Variants in ADGRF3 observed in about 807,000 individuals in gnomAD.
The protein encoded by ADGRF3 is G protein-coupled receptor 113.
ADGRF3 carries 85 observed loss-of-function variants against 93.2 expected under a neutral mutation model. The ratio of observed to expected loss-of-function variants is 0.91; its 90% CI spans 0.77 to 1.09. The LOEUF (loss-of-function observed/expected upper bound fraction) is 1.09. Among genes scored for constraint, ADGRF3 ranks in the 50% least tolerant of loss-of-function variants. The pLI is 0.00. For synonymous variants in ADGRF3, 534 were observed against 532.5 expected (o/e 1.00, Z -0.04); for missense variants, 1,125 against 1,246.2 (o/e 0.90, Z 1.46).
chr2:26,326,962 G>T (rs1383218132), intron 1 of ADGRF3, among the ~76,000 whole-genome samples: 1 of 152,158 alleles, frequency 6.6e-6, no homozygotes, highest in African/African-American at 2.4e-5. Context: ...TAGAGATGGG[G>T]TTTCACCATG....
In ADGRF3 at chr2:26,311,194, G is replaced by A. The variant is rs772717715; in HGVS notation, c.2330C>T (p.Ala777Val). Residue 777 changes from alanine to valine, a missense_variant, in exon 10 of 14, where the codon GCC (alanine) becomes GTC (valine). Transcript: ENST00000651242. ...GPRSPLCLAA[A>V]FLCHFLYLAT... ...CAGGTAGAGGAAATGACAGAGGAAG[G>A]CGGCAGCAAGGCAGAGCGGGCTTCG... The A allele has an allele frequency of 3.1e-6, 5 of 1,600,704 alleles. No homozygotes were observed. The Admixed American group carries it at 8.7e-5, about 28-fold the overall frequency.
chr2:26,340,304 C>T (rs1268706684), intron 1 of ADGRF3: 1 of 152,118 alleles, frequency 6.6e-6, no homozygotes, highest in African/African-American at 2.4e-5. Context: ...GCCTTAACCC[C>T]AGTATTTCCA....
intron 11 of ADGRF3, 41 bp downstream of exon 11, chr2:26,310,155 C>A (rs3851967): frequency 6.2e-7 from 1 of 1,613,652 alleles, no homozygotes; most frequent in South Asian, 1.1e-5. Context: ...CCCCGGCCTG[C>A]GGGCTGCAAG....
intron 1 of ADGRF3, 24 bp downstream of exon 1, chr2:26,346,097 G>A (rs1234213510): frequency 1.3e-6 from 2 of 1,556,824 alleles, no homozygotes; most frequent in Non-Finnish European, 1.7e-6. Context: ...CGCGTGCGCG[G>A]TGGGCGGAGC....
chr2:26,337,659 T>C (rs1420833917), intron 1 of ADGRF3, among the ~76,000 whole-genome samples: 1 of 152,238 alleles, frequency 6.6e-6, no homozygotes, highest in East Asian at 1.9e-4. Context: ...CATTTCATCA[T>C]GAAGGGCTAA....
At chr2:26,316,679 C>T (rs1188692169) in intron 3 of ADGRF3, among the ~76,000 whole-genome samples, 4 of 152,082 alleles carry the variant, frequency 2.6e-5, no homozygotes, top group East Asian at 1.9e-4. Context: ...TCTGGGCCCA[C>T]GTTGTCTGTC....
intron 1 of ADGRF3, among the ~76,000 whole-genome samples, chr2:26,328,314 C>T (rs556957740): frequency 1.4e-4 from 21 of 152,220 alleles, no homozygotes; most frequent in Admixed American, 3.9e-4. Flanking sequence ...TTTCTTTGGA[C>T]TTATCCTTTT....
At chr2:26,342,899 T>C (rs1676469844) in intron 1 of ADGRF3, among the ~76,000 whole-genome samples, 1 of 152,236 alleles carries the variant, frequency 6.6e-6, no homozygotes, top group Non-Finnish European at 1.5e-5. Flanking sequence ...CACGTGACCA[T>C]GCCTGCCGGG....
intron 1 of ADGRF3, among the ~76,000 whole-genome samples, chr2:26,342,456 C>G (rs1676451279): frequency 6.6e-6 from 1 of 152,154 alleles, no homozygotes; most frequent in Non-Finnish European, 1.5e-5. Flanking sequence ...TAATTAACCT[C>G]CAATATTTTT....
chr2:26,339,139 C>G (rs1476852731), intron 1 of ADGRF3, among the ~76,000 whole-genome samples: 1 of 119,204 alleles, frequency 8.4e-6, no homozygotes, highest in Non-Finnish European at 1.8e-5. Flanking sequence ...AAAAAAAAAG[C>G]AAAGCAAAGA....
intron 1 of ADGRF3, among the ~76,000 whole-genome samples, chr2:26,322,224 G>A (rs1193424715): frequency 6.7e-6 from 1 of 148,828 alleles, no homozygotes; most frequent in Admixed American, 6.7e-5. Flanking sequence ...GGAGGTTGCA[G>A]TGAGCCGAGA....
intron 1 of ADGRF3, chr2:26,318,161 G>C (rs1179462771): frequency 4.5e-6 from 6 of 1,332,878 alleles, no homozygotes; most frequent in Non-Finnish European, 6.1e-6. Flanking sequence ...CCCAAGGAGA[G>C]AGAACATGGC....
At chr2:26,309,444 C>T in intron 13 of ADGRF3, 82 bp downstream of exon 13, 1 of 1,562,604 alleles carries the variant, frequency 6.4e-7, no homozygotes, top group Non-Finnish European at 8.7e-7. Flanking sequence ...GGCTTCTCTC[C>T]AGCACTTTGC....
Position 26,315,671 on chromosome 2 carries a change from A to C in ADGRF3, c.569T>G (p.Leu190Arg), listed in dbSNP as rs1335615939. 4 of 1,551,538 alleles carry C rather than the reference A, an allele frequency of 2.6e-6. No homozygotes were observed. In the African/African-American group the frequency reaches 5.5e-5, roughly 21 times the overall value. ...PGDTLSLTLH[L>R]SQEATNLSWF... ...GCTCAGGTTGGTGGCCTCCTGGCTC[A>C]GATGGAGAGTCAGGCTCAGCGTGTC... The change falls in exon 5 of 14, where the codon CTG becomes CGG. Residue 190 changes from leucine (L) to arginine (R), a missense_variant. Physicochemically the swap from Leu to Arg is moderately radical, Grantham distance 102. Transcript: ENST00000651242.
In ADGRF3 at chr2:26,336,841, G is replaced by A. The variant is rs563099650; in HGVS notation, c.114+9280C>T. Among the ~76,000 whole-genome samples, 15 of 149,078 alleles carry A rather than the reference G, an allele frequency of 1.0e-4. No individual in the cohort carries two copies. In the South Asian group the frequency reaches 3.4e-3, roughly 33 times the overall value. ...ACCCCAGTAAGTTATGTCTGAAAGT[G>A]TCCATTTGACTCAGCATCAAAGAGG... On this transcript the variant is annotated intron_variant, in intron 1 of 13. Transcript: ENST00000651242.
intron 1 of ADGRF3, among the ~76,000 whole-genome samples, chr2:26,328,169 A>G (rs1675548060): frequency 6.6e-6 from 1 of 152,242 alleles, no homozygotes; most frequent in Non-Finnish European, 1.5e-5. Flanking sequence ...TCTGGCTTTC[A>G]TGGTTTCTAA....
intron 1 of ADGRF3, among the ~76,000 whole-genome samples, chr2:26,341,004 G>C (rs1202567291): frequency 6.6e-6 from 1 of 152,062 alleles, no homozygotes; most frequent in African/African-American, 2.4e-5. Flanking sequence ...GGGTCCCTCT[G>C]AATGTTTAAA....
chr2:26,316,102 A>G, intron 4 of ADGRF3, 173 bp downstream of exon 4: 1 of 672,328 alleles, frequency 1.5e-6, no homozygotes, highest in Non-Finnish European at 2.5e-6. Context: ...CTCCCTACTC[A>G]GGTTCCAAGC....
intron 1 of ADGRF3, among the ~76,000 whole-genome samples, chr2:26,333,893 G>C (rs890386001): frequency 6.6e-6 from 1 of 151,768 alleles, no homozygotes; most frequent in Middle Eastern, 3.2e-3. Flanking sequence ...GTGCAATCTC[G>C]GCTCACTGCA....
Sources: gnomAD v4.1 joint callset for allele counts (sites outside exome capture counted in the v4.1 genomes callset) on GRCh38, gnomAD v4.1.1 for gene constraint, MANE v1.5 for transcripts, NCBI Gene and HGNC (gene_info 2026-07-23, HGNC 2026-07-21) for gene names.